Variants in IL1RL2 observed in about 807,000 individuals in gnomAD.
IL1RL2 encodes interleukin 1 receptor like 2.
A neutral mutation model predicts 66.8 loss-of-function variants in IL1RL2; 68 were observed. The observed-to-expected ratio is 1.02, with a 90% CI of 0.84 to 1.25. The LOEUF (loss-of-function observed/expected upper bound fraction) is 1.25, where lower values mean the gene tolerates loss of function less well. IL1RL2 is among the 50% of genes most tolerant of loss of function. The pLI, the probability that IL1RL2 is intolerant of heterozygous loss-of-function variation, is 0.00. For missense variants in IL1RL2, 729 were observed against 709.3 expected (o/e 1.03, Z -0.32); for synonymous variants, 305 against 264.6 (o/e 1.15, Z -1.48).
chr2:102,191,455 G>A (rs1687225680), intron 3 of IL1RL2, among the ~76,000 whole-genome samples: 1 of 152,070 alleles, frequency 6.6e-6, no homozygotes, highest in Non-Finnish European at 1.5e-5. Context: ...ATCATGCATT[G>A]CATTTGGTTG....
chr2:102,215,436 A>C (rs899919579), intron 6 of IL1RL2, among the ~76,000 whole-genome samples: 2 of 152,106 alleles, frequency 1.3e-5, no homozygotes, highest in African/African-American at 4.8e-5. Context: ...AATTACTGTG[A>C]TCCTGGTTCC....
intron 6 of IL1RL2, among the ~76,000 whole-genome samples, chr2:102,215,755 T>C (rs1689559455): frequency 6.6e-6 from 1 of 152,120 alleles, no homozygotes; most frequent in African/African-American, 2.4e-5. Context: ...TCAAAGATAC[T>C]GCAGATGTGG....
chr2:102,225,974 C>T lies in IL1RL2; in HGVS notation c.1068C>T (p.Tyr356=). The part of the protein sequence containing the change: ...VAVAVSVVYI[Y]NIFKIDIVLW... ...TGGCTGTGTCTGTTGTGTACATATACAACATTTTTAAGATCGACATTGTTC... is the reference window on the plus strand; with the variant it reads ...TGGCTGTGTCTGTTGTGTACATATATAACATTTTTAAGATCGACATTGTTC... Residue 356 remains tyrosine, a synonymous_variant, in exon 9 of 12, where the codon TAC becomes TAT. Transcript: ENST00000264257. 1 of 1,609,370 alleles carries T rather than the reference C, an allele frequency of 6.2e-7. No homozygotes were observed. Among genetic ancestry groups the T allele is most frequent in the Non-Finnish European group, 8.5e-7 (1 of 1,177,668 alleles).
Position 102,192,105 on chromosome 2 carries a change from A to C in IL1RL2, c.474A>C (p.Pro158=). The C allele has an allele frequency of 6.3e-7, 1 of 1,588,242 alleles. No homozygotes were observed. The highest frequency in any genetic ancestry group is 8.5e-7 in the Non-Finnish European group (1 of 1,171,956). Residue 158 remains proline (P), a synonymous_variant, in exon 4 of 12, where the codon CCA becomes CCC. Coordinates refer to ENST00000264257, the MANE Select transcript of IL1RL2 (RefSeq NM_003854.4). The stretch of plus-strand genomic sequence containing the variant: ...TCCCGAAGAGTTGTGTTTTGGGTCC[A>C]ATAAAGTGGTATAAGGTAAAAAAGA... ...LHFPKSCVLG[P]IKWYKDCNEI... is the part of the protein sequence containing the mutation.
Position 102,232,837 on chromosome 2 carries a change from A to G in IL1RL2, c.1136-126A>G, listed in dbSNP as rs1473314218. On this transcript the variant is annotated intron_variant, in intron 9 of 11. Coordinates refer to ENST00000264257, the MANE Select transcript of IL1RL2 (RefSeq NM_003854.4). ...GCAGCCCCTGGCACCAAGTCAGCCA[A>G]CTGGGCACTCAGAAGTCATGGAACC... 3 of 1,029,660 alleles carry G rather than the reference A, an allele frequency of 2.9e-6. No individual in the cohort carries two copies. The African/African-American group carries it at 4.8e-5, about 17-fold the overall frequency. The allele number at this position is 1,029,660 out of a possible 1,614,324, so 63.8% of individuals were successfully genotyped here. A position where few individuals can be genotyped will look rare whatever the true frequency, so the allele number is the denominator to read the frequency against.
In IL1RL2 at chr2:102,219,060, A is replaced by C; in HGVS notation, c.832A>C (p.Lys278Gln). The part of the protein sequence containing the change: ...TLVDDYYDES[K>Q]RIREGVETHV... ...GGTGGATGATTACTATGATGAATCC[A>C]AACGAATCAGAGAAGGGGTGGAGTA... Residue 278 changes from lysine to glutamine, a missense_variant, in exon 7 of 12, where the codon AAA (lysine) becomes CAA (glutamine). Coordinates refer to ENST00000264257, the MANE Select transcript of IL1RL2 (RefSeq NM_003854.4). The C allele has an allele frequency of 6.2e-7, 1 of 1,613,982 alleles. No homozygotes were observed. The highest frequency in any genetic ancestry group is 8.5e-7 in the Non-Finnish European group (1 of 1,179,844).
intron 10 of IL1RL2, among the ~76,000 whole-genome samples, chr2:102,234,388 A>G (rs1464276818): frequency 1.3e-5 from 2 of 152,230 alleles, no homozygotes; most frequent in African/African-American, 4.8e-5. Flanking sequence ...ATAGAGGACC[A>G]AGGCTCCAGG....
At chr2:102,208,691 A>G (rs1426960806) in intron 5 of IL1RL2, among the ~76,000 whole-genome samples, 1 of 152,248 alleles carries the variant, frequency 6.6e-6, no homozygotes, top group Non-Finnish European at 1.5e-5. Context: ...CCTATGCAGG[A>G]CAGGGCCCTT....
chr2:102,191,542 C>G (rs1039538066), intron 3 of IL1RL2, among the ~76,000 whole-genome samples: 5 of 152,148 alleles, frequency 3.3e-5, no homozygotes, highest in African/African-American at 1.2e-4. Context: ...TTTTTAAGAA[C>G]TGTAAGCAAT....
intron 6 of IL1RL2, among the ~76,000 whole-genome samples, 178 bp downstream of exon 6, chr2:102,212,352 G>A (rs376352774): frequency 2.4e-4 from 36 of 152,264 alleles, no homozygotes; most frequent in Middle Eastern, 3.4e-3. Flanking sequence ...CCAGAGAGCC[G>A]AAGCATGGAA....
chr2:102,234,095 A>G (rs1674620445), intron 10 of IL1RL2, among the ~76,000 whole-genome samples: 1 of 152,196 alleles, frequency 6.6e-6, no homozygotes, highest in Non-Finnish European at 1.5e-5. Context: ...TTCCCAAGCA[A>G]TCATCAGGGC....
chr2:102,191,194 C>A (rs949030779), intron 3 of IL1RL2, among the ~76,000 whole-genome samples: 2 of 152,046 alleles, frequency 1.3e-5, no homozygotes, highest in African/African-American at 4.8e-5. Flanking sequence ...CTGCCTTAGC[C>A]CTTAATCATC....
chr2:102,233,127 G>A lies in IL1RL2; in HGVS notation c.1297+3G>A, dbSNP rs776808397. 2 of 1,608,500 alleles carry A rather than the reference G, an allele frequency of 1.2e-6. No individual in the cohort carries two copies. The highest frequency in any genetic ancestry group is 1.1e-5 in the South Asian group (1 of 90,838). On this transcript the variant is annotated splice_donor_region_variant and intron_variant, in intron 10 of 11. Coordinates refer to ENST00000264257, the MANE Select transcript of IL1RL2 (RefSeq NM_003854.4). Reference sequence around the variant, plus strand: ...CAGAGATGAATTCCCTGGACAAGGTGGGTTTTAAGTGAGGTGTAAAAATAA... The same window carrying A: ...CAGAGATGAATTCCCTGGACAAGGTAGGTTTTAAGTGAGGTGTAAAAATAA...
intron 8 of IL1RL2, among the ~76,000 whole-genome samples, chr2:102,222,874 C>T (rs80049329): frequency 6.6e-6 from 1 of 152,194 alleles, no homozygotes; most frequent in Non-Finnish European, 1.5e-5. Context: ...GAAGTGGTTA[C>T]AACTTAAATC....
intron 8 of IL1RL2, among the ~76,000 whole-genome samples, chr2:102,220,849 T>C (rs1401437401): frequency 1.3e-5 from 2 of 152,218 alleles, no homozygotes; most frequent in East Asian, 3.8e-4. Context: ...GAAAACACAG[T>C]GGTTGCTGTA....
rs772972625 is a variant in IL1RL2 at position 102,226,003 on chromosome 2, G to A, written c.1097G>A (p.Trp366Ter). 2.5e-6 allele frequency: 4 copies of A among 1,604,820 alleles called. No individual in the cohort carries two copies. In the Admixed American group the frequency reaches 6.8e-5, roughly 27 times the overall value. The change falls in exon 9 of 12, where the codon TGG (tryptophan) becomes TAG (stop). Residue 366 changes from tryptophan to a stop codon, truncating the protein, a stop_gained. Coordinates refer to ENST00000264257, the MANE Select transcript of IL1RL2 (RefSeq NM_003854.4). LOFTEE classifies it high-confidence loss of function. ...ATTTTTAAGATCGACATTGTTCTTT[G>A]GTATCGAAGTGCCTTCCATTCTACA... The part of the protein sequence containing the change: ...YNIFKIDIVL[W>*]YRSAFHSTET...
chr2:102,220,060 C>A (rs993788857), intron 8 of IL1RL2, 43 bp downstream of exon 8: 7 of 1,519,778 alleles, frequency 4.6e-6, no homozygotes, highest in Non-Finnish European at 6.3e-6. Context: ...GTGTTCAAAA[C>A]GATGGCCAGG....
chr2:102,235,066 G>A lies in IL1RL2; in HGVS notation c.1467G>A (p.Glu489=). The A allele has an allele frequency of 6.2e-7, 1 of 1,614,190 alleles. No individual in the cohort carries two copies. The highest frequency in any genetic ancestry group is 1.7e-5 in the Admixed American group (1 of 60,028). The change falls in exon 11 of 12, where the codon GAG becomes GAA. Residue 489 remains glutamate, a synonymous_variant. Transcript: ENST00000264257. ...DGMKVILIEL[E]KIEDYTVMPE... ...TGAAGGTTATTCTCATTGAGCTGGAGAAAATCGAGGACTACACAGTCATGC... is the reference window on the plus strand; with the variant it reads ...TGAAGGTTATTCTCATTGAGCTGGAAAAAATCGAGGACTACACAGTCATGC...
intron 4 of IL1RL2, among the ~76,000 whole-genome samples, chr2:102,196,982 C>T (rs1193804233): frequency 6.6e-6 from 1 of 152,134 alleles, no homozygotes; most frequent in Non-Finnish European, 1.5e-5. Context: ...TGGTGGCATG[C>T]TGATCATTTG....
Sources: gnomAD v4.1 joint callset for allele counts (sites outside exome capture counted in the v4.1 genomes callset) on GRCh38, gnomAD v4.1.1 for gene constraint, MANE v1.5 for transcripts, NCBI Gene and HGNC (gene_info 2026-07-23, HGNC 2026-07-21) for gene names.